Variants in PLEKHA4 observed in about 807,000 individuals in gnomAD.
The protein encoded by PLEKHA4 is pleckstrin homology domain containing A4, also known as pleckstrin homology domain-containing family A member 4.
In PLEKHA4, 73 loss-of-function variants were observed where a neutral mutation model predicts 94.7. That is an observed-to-expected ratio of 0.77 (90% CI 0.64 to 0.94). The LOEUF (loss-of-function observed/expected upper bound fraction) is 0.94, where lower values mean the gene tolerates loss of function less well. Ranked by LOEUF, PLEKHA4 falls within the 40% of genes least tolerant of loss-of-function variation. PLEKHA4 has a pLI of 0.00. For synonymous variants in PLEKHA4, 449 were observed against 437.1 expected (o/e 1.03, Z -0.34); for missense variants, 1,049 against 1,054.1 (o/e 1.00, Z 0.07).
In PLEKHA4 at chr19:48,845,448, T is replaced by C; in HGVS notation, c.1667-2A>G. On this transcript the variant is annotated splice_acceptor_variant, in intron 15 of 19. Transcript: ENST00000263265. LOFTEE classifies it high-confidence loss of function. ...GGGAGACCCTCGGAGACCCAAGACC[T>C]GGAAAGACAGAACGGGACTTGGTGA... 1 of 1,613,926 alleles carries C rather than the reference T, an allele frequency of 6.2e-7. No homozygotes were observed. Among genetic ancestry groups the C allele is most frequent in the Non-Finnish European group, 8.5e-7 (1 of 1,179,982 alleles).
chr19:48,846,182 G>A (rs1280937461), intron 14 of PLEKHA4, among the ~76,000 whole-genome samples: 5 of 151,058 alleles, frequency 3.3e-5, no homozygotes, highest in South Asian at 2.1e-4. Context: ...GGCTGGGCGC[G>A]GTGGCTCATG....
At chr19:48,855,943 C>A (rs1210509324) in intron 9 of PLEKHA4, among the ~76,000 whole-genome samples, 2 of 151,794 alleles carry the variant, frequency 1.3e-5, no homozygotes, top group African/African-American at 2.4e-5. Flanking sequence ...GAGGCCGAGG[C>A]AGGCAGATCA....
intron 16 of PLEKHA4, among the ~76,000 whole-genome samples, chr19:48,841,767 C>T (rs1471508336): frequency 6.6e-6 from 1 of 151,980 alleles, no homozygotes; most frequent in Non-Finnish European, 1.5e-5. Flanking sequence ...CCAGCCTGGG[C>T]AACATAGCAA....
rs1568530010 is a variant in PLEKHA4 at position 48,837,584 on chromosome 19, A to G, written c.2078-33T>C. ...GGATGAGTGGGACATGAGAATGGCA[A>G]ACCTCAGCGCTAGGACCCCGGATTC... is the stretch of plus-strand genomic sequence containing the variant. On this transcript the variant is annotated intron_variant, in intron 19 of 19. Transcript: ENST00000263265. This position sits in a 1 kb window ranked among gnomAD's most constrained non-coding sequence, Gnocchi z 4.3. 6.2e-7 allele frequency: 1 copy of G among 1,611,366 alleles called. No homozygotes were observed. The highest frequency in any genetic ancestry group is 8.5e-7 in the Non-Finnish European group (1 of 1,179,108).
chr19:48,860,228 C>T, intron 6 of PLEKHA4, 122 bp downstream of exon 6: 2 of 789,106 alleles, frequency 2.5e-6, no homozygotes, highest in Non-Finnish European at 2.0e-6. Context: ...GAAGACGAGG[C>T]GCCTTAGCTA....
chr19:48,842,356 G>A (rs2035802835), intron 16 of PLEKHA4, among the ~76,000 whole-genome samples: 1 of 151,838 alleles, frequency 6.6e-6, no homozygotes, highest in Non-Finnish European at 1.5e-5. Context: ...TCACCATCTT[G>A]GCCAGGCTGG....
At chr19:48,842,615 C>G (rs2035812358) in intron 16 of PLEKHA4, among the ~76,000 whole-genome samples, 1 of 152,234 alleles carries the variant, frequency 6.6e-6, no homozygotes, top group East Asian at 1.9e-4. Flanking sequence ...TGCCCAACAT[C>G]TGCTACCCAT....
At chr19:48,861,579 G>A (rs759017717) in intron 4 of PLEKHA4, 41 bp downstream of exon 4, 5 of 1,612,194 alleles carry the variant, frequency 3.1e-6, no homozygotes, top group Admixed American at 1.7e-5. Context: ...AGACTGGGCG[G>A]GGGGGCCCTC....
intron 8 of PLEKHA4, among the ~76,000 whole-genome samples, chr19:48,858,630 A>AAAAAAAAAAAAAAAAAAAAAAC (rs2036515954): frequency 6.9e-6 from 1 of 145,356 alleles, no homozygotes; most frequent in African/African-American, 2.6e-5. Context: ...TCAGTCTCAA[A>AAAAAAAAAAAAAAAAAAAAAAC]AAAAAAAAAA....
intron 14 of PLEKHA4, 45 bp downstream of exon 14, chr19:48,847,855 G>A (rs1008874122): frequency 2.0e-6 from 3 of 1,520,936 alleles, no homozygotes; most frequent in Non-Finnish European, 2.6e-6. Flanking sequence ...TCAAGGACAG[G>A]TGGGACATGA....
rs373761897 is a variant in PLEKHA4, at chr19:48,837,424, A to G, written c.2205T>C (p.Ser735=). Residue 735 remains serine, a synonymous_variant, in exon 20 of 20, where the codon TCT becomes TCC. Coordinates refer to ENST00000263265, the MANE Select transcript of PLEKHA4 (RefSeq NM_020904.3). This position sits in a 1 kb window ranked among gnomAD's most constrained non-coding sequence, Gnocchi z 4.3. ...PVANSGSTGF[S]RRGSGRGGGP... ...CTCCTCCACGCCCACTCCCTCGGCG[A>G]GAGAACCCCGTGGAACCCGAATTAG... 1 of 1,613,312 alleles carries G rather than the reference A, an allele frequency of 6.2e-7. No individual in the cohort carries two copies. Among genetic ancestry groups the G allele is most frequent in the East Asian group, 2.2e-5 (1 of 44,860 alleles).
In PLEKHA4 at chr19:48,837,978, T is replaced by C; in HGVS notation, c.2077+39A>G. 4 of 1,524,206 alleles carry C rather than the reference T, an allele frequency of 2.6e-6. No individual in the cohort carries two copies. The highest frequency in any genetic ancestry group is 3.6e-6 in the Non-Finnish European group (4 of 1,102,736). 94.4% of individuals were successfully genotyped at this position (1,524,206 alleles called of 1,614,324 possible). On this transcript the variant is annotated intron_variant, in intron 19 of 19. Coordinates refer to ENST00000263265, the MANE Select transcript of PLEKHA4 (RefSeq NM_020904.3). The surrounding 1 kb of genome is among the most constrained non-coding windows in gnomAD (Gnocchi z 4.3). Reference sequence around the variant, plus strand: ...GGATTCCAGGTCTCCAGCTCTCTCCTCCCTAAAACCCAGAAGTCCAACATC... The same window carrying C: ...GGATTCCAGGTCTCCAGCTCTCTCCCCCCTAAAACCCAGAAGTCCAACATC...
At chr19:48,862,021 G>A (rs1473825081) in intron 3 of PLEKHA4, among the ~76,000 whole-genome samples, 7 of 151,452 alleles carry the variant, frequency 4.6e-5, no homozygotes, top group Non-Finnish European at 8.8e-5. Flanking sequence ...CAGCTACTCC[G>A]GAGGCTGAGG....
At chr19:48,849,291 G>GT (rs918838393) in intron 13 of PLEKHA4, among the ~76,000 whole-genome samples, 46 of 151,962 alleles carry the variant, frequency 3.0e-4, no homozygotes, top group Admixed American at 5.9e-4. Context: ...GGCATCAATG[G>GT]TTTTTTGTTT....
intron 12 of PLEKHA4, among the ~76,000 whole-genome samples, chr19:48,852,932 C>G (rs1380411652): frequency 6.6e-6 from 1 of 151,018 alleles, no homozygotes; most frequent in Non-Finnish European, 1.5e-5. Context: ...GAATCCGTCT[C>G]AAAAAAAATA....
intron 14 of PLEKHA4, among the ~76,000 whole-genome samples, chr19:48,847,266 C>T (rs1259173781): frequency 6.6e-6 from 1 of 151,990 alleles, no homozygotes; most frequent in Non-Finnish European, 1.5e-5. Flanking sequence ...TCCATCTCCA[C>T]AATAAACAAA....
chr19:48,850,497 T>C (rs2036142569), intron 13 of PLEKHA4, among the ~76,000 whole-genome samples: 1 of 151,176 alleles, frequency 6.6e-6, no homozygotes, highest in Non-Finnish European at 1.5e-5. Context: ...AGCAAGACTA[T>C]GTCTCACACA....
chr19:48,844,574 T>G (rs2035894348), intron 16 of PLEKHA4: 1 of 985,140 alleles, frequency 1.0e-6, no homozygotes, highest in Non-Finnish European at 1.2e-6. Context: ...TCAGTGATGG[T>G]CACATGCTTC....
intron 6 of PLEKHA4, 80 bp downstream of exon 6, chr19:48,860,270 G>A: frequency 8.2e-7 from 1 of 1,214,758 alleles, no homozygotes; most frequent in African/African-American, 1.5e-5. Context: ...CAAGGGGGCA[G>A]GGCCCCAAAG....
Sources: gnomAD v4.1 joint callset for allele counts (sites outside exome capture counted in the v4.1 genomes callset) on GRCh38, gnomAD v4.1.1 for gene constraint, Gnocchi (gnomAD v3.1) non-coding constraint, MANE v1.5 for transcripts, NCBI Gene and HGNC (gene_info 2026-07-23, HGNC 2026-07-21) for gene names.